Variants in CELF2 observed in about 807,000 individuals in gnomAD.
CELF2 encodes the protein CUGBP Elav-like family member 2, also known as CUG triplet repeat RNA-binding protein 2.
A neutral mutation model predicts 62.6 loss-of-function variants in CELF2; 8 were observed. The ratio of observed to expected loss-of-function variants is 0.13; its 90% CI spans 0.07 to 0.23. The LOEUF is 0.23. Among genes scored for constraint, CELF2 ranks in the 10% least tolerant of loss-of-function variants. The probability of loss-of-function intolerance (pLI) is 1.00; values close to 1 mark genes in which losing one functional copy is unlikely to be tolerated. For missense variants in CELF2, 333 were observed against 671.0 expected, an observed-to-expected ratio of 0.50 and a Z score of 5.56; for synonymous variants, 258 against 250.0, an observed-to-expected ratio of 1.03 and a Z score of -0.30.
upstream of CELF2, chr10:10,796,896 T>C: frequency 1.0e-6 from 1 of 985,308 alleles, no homozygotes; most frequent in Non-Finnish European, 1.2e-6. Flanking sequence ...CAATGATTTT[T>C]GTACGAGGTA....
the CELF2 span, among the ~76,000 whole-genome samples, chr10:10,581,830 A>C: frequency 2.0e-5 from 3 of 152,084 alleles, no homozygotes; most frequent in South Asian, 2.1e-4. Context: ...GTGTTTGAGA[A>C]CAGCCTGGCC....
the CELF2 span, among the ~76,000 whole-genome samples, chr10:10,670,550 A>C: frequency 1.3e-5 from 2 of 152,154 alleles, no homozygotes; most frequent in Admixed American, 1.3e-4. Context: ...CAGCATCCCC[A>C]ACCAGAGTGG....
chr10:10,664,491 C>T, the CELF2 span, among the ~76,000 whole-genome samples: 1 of 152,128 alleles, frequency 6.6e-6, no homozygotes, highest in Non-Finnish European at 1.5e-5. Context: ...AAAGACACCA[C>T]GTGAATTTCC....
At chr10:11,232,250 C>A (rs1254299454) in intron 3 of CELF2, among the ~76,000 whole-genome samples, 1 of 151,968 alleles carries the variant, frequency 6.6e-6, no homozygotes. Flanking sequence ...TTCTCACATT[C>A]CTGTACTCAT....
chr10:10,549,054 G>C, the CELF2 span, among the ~76,000 whole-genome samples: 1 of 152,082 alleles, frequency 6.6e-6, no homozygotes, highest in Non-Finnish European at 1.5e-5. Context: ...TTTTCTTGCC[G>C]ACTCTGTGAT....
rs543870786 is a variant in CELF2 at position 11,242,496 on chromosome 10, T to C, written c.355-6657T>C. Among the ~76,000 whole-genome samples the C allele has an allele frequency of 6.6e-6, 1 of 152,296 alleles. No individual in the cohort carries two copies. The highest frequency in any genetic ancestry group is 1.9e-4 in the East Asian group (1 of 5,176). On this transcript the variant is annotated intron_variant, in intron 3 of 12. Transcript: ENST00000633077. This position sits in a 1 kb window ranked among gnomAD's most constrained non-coding sequence, Gnocchi z 4.8. ...GAGGTTGTGTCCATAGTGGCGACTC[T>C]GGAGAGTATAGCTGCTGGGTGCAGC...
chr10:10,665,673 C>A, the CELF2 span, among the ~76,000 whole-genome samples: 4 of 152,160 alleles, frequency 2.6e-5, no homozygotes, highest in Non-Finnish European at 4.4e-5. Flanking sequence ...GATTTCAGTG[C>A]ATCACAAATT....
intron 1 of CELF2, among the ~76,000 whole-genome samples, chr10:11,019,478 T>C (rs752482994): frequency 9.2e-5 from 14 of 152,154 alleles, no homozygotes; most frequent in Non-Finnish European, 1.5e-4. Flanking sequence ...CCCTGGCAAC[T>C]AACTTTCCCC....
the CELF2 span, among the ~76,000 whole-genome samples, chr10:10,528,608 C>T: frequency 6.6e-6 from 1 of 152,150 alleles, no homozygotes; most frequent in Non-Finnish European, 1.5e-5. Context: ...GATCCCCAGC[C>T]CACACTTGGT....
chr10:11,061,528 C>A (rs950110985), intron 1 of CELF2, among the ~76,000 whole-genome samples: 5 of 152,224 alleles, frequency 3.3e-5, no homozygotes, highest in African/African-American at 9.6e-5. Context: ...CACTGAACAA[C>A]AGGTTTTTCA....
At chr10:10,539,219 A>G in the CELF2 span, among the ~76,000 whole-genome samples, 4,415 of 152,350 alleles carry the variant, frequency 0.029, 212 homozygotes, top group African/African-American at 0.1. Flanking sequence ...TCTCATCTAT[A>G]CAAAGAAAAA....
the CELF2 span, among the ~76,000 whole-genome samples, chr10:10,778,060 G>C: frequency 6.6e-6 from 1 of 152,184 alleles, no homozygotes; most frequent in Non-Finnish European, 1.5e-5. Flanking sequence ...AATCAGGTTC[G>C]GGAGATGGGG....
chr10:11,263,339 A>G (rs1323374709), intron 5 of CELF2, among the ~76,000 whole-genome samples: 1 of 152,046 alleles, frequency 6.6e-6, no homozygotes, highest in Non-Finnish European at 1.5e-5. Context: ...TTGCTGCTAT[A>G]TATGTGGAGG....
intron 3 of CELF2, among the ~76,000 whole-genome samples, chr10:11,240,857 T>C (rs892009843): frequency 1.3e-5 from 2 of 152,284 alleles, no homozygotes; most frequent in Non-Finnish European, 2.9e-5. Flanking sequence ...ACCCCAAACT[T>C]ATTTACACCA....
chr10:10,971,370 C>T (rs927083521), intron 2 of CELF2, among the ~76,000 whole-genome samples: 1 of 152,192 alleles, frequency 6.6e-6, no homozygotes, highest in Admixed American at 6.5e-5. Flanking sequence ...ACCCCCCTCA[C>T]CTTATACATT....
intron 9 of CELF2, among the ~76,000 whole-genome samples, chr10:11,312,806 C>A (rs1008394093): frequency 2.6e-5 from 4 of 152,108 alleles, no homozygotes; most frequent in African/African-American, 9.7e-5. Flanking sequence ...TGGTGGCAGG[C>A]GCCTGTAGTG....
intron 1 of CELF2, among the ~76,000 whole-genome samples, chr10:10,830,139 C>A (rs1288654144): frequency 1.3e-5 from 2 of 152,034 alleles, no homozygotes; most frequent in Non-Finnish European, 2.9e-5. Flanking sequence ...TTGTATAAGA[C>A]TCCTCTTTTG....
the CELF2 span, among the ~76,000 whole-genome samples, chr10:10,542,634 G>C: frequency 2.0e-5 from 3 of 152,224 alleles, no homozygotes; most frequent in Admixed American, 1.3e-4. Context: ...TGGATGATTA[G>C]TTGGAGGTAC....
chr10:10,827,771 T>C lies in CELF2; in HGVS notation c.53+28954T>C, dbSNP rs547904076. On this transcript the variant is annotated intron_variant, in intron 1 of 13. Coordinates refer to the CELF2 transcript ENST00000636488. Reference sequence around the variant, plus strand: ...AAGAATATTGTTAGGCAAAAATATGTATGTAGGAGAGAGAAAGCATGTGTG... The same window carrying C: ...AAGAATATTGTTAGGCAAAAATATGCATGTAGGAGAGAGAAAGCATGTGTG... Among the ~76,000 whole-genome samples the C allele has an allele frequency of 2.0e-5, 3 of 152,202 alleles. No individual in the cohort carries two copies. In the East Asian group the frequency reaches 5.8e-4, roughly 29 times the overall value.
Sources: gnomAD v4.1 joint callset for allele counts (sites outside exome capture counted in the v4.1 genomes callset) on GRCh38, gnomAD v4.1.1 for gene constraint, Gnocchi (gnomAD v3.1) non-coding constraint, MANE v1.5 for transcripts, NCBI Gene and HGNC (gene_info 2026-07-23, HGNC 2026-07-21) for gene names.